Variants in ABCA13 observed in about 807,000 individuals in gnomAD.
ABCA13 encodes ATP-binding cassette sub-family A member 13.
In ABCA13, 476 loss-of-function variants were observed where a neutral mutation model predicts 478.7. That is an observed-to-expected ratio of 0.99 (90% CI 0.92 to 1.07). The LOEUF is 1.07. Among genes scored for constraint, ABCA13 ranks in the 50% least tolerant of loss-of-function variants. ABCA13 has a pLI of 0.00. For missense variants in ABCA13, 6,060 were observed against 5,910.6 expected (o/e 1.03, Z -0.83); for synonymous variants, 2,252 against 2,158.9 (o/e 1.04, Z -1.20).
chr7:48,276,289 T>C lies in ABCA13; in HGVS notation c.6623T>C (p.Ile2208Thr). The change falls in exon 17 of 62, where the codon ATC becomes ACC. Residue 2208 changes from isoleucine to threonine, a missense_variant. Transcript: ENST00000435803. The stretch of plus-strand genomic sequence containing the variant: ...GTTGTTCAGCTGCTTTTTGAAAACA[T>C]CCTAATTAATTTGATCAATAACTTA... ...FSVVQLLFEN[I>T]LINLINNLAG... 2 of 1,561,514 alleles carry C rather than the reference T, an allele frequency of 1.3e-6. No individual in the cohort carries two copies. The highest frequency in any genetic ancestry group is 1.7e-6 in the Non-Finnish European group (2 of 1,152,164).
In ABCA13 at chr7:48,391,999, G is replaced by A. The variant is rs780515688; in HGVS notation, c.11733G>A (p.Ser3911=). ...GCAAGAACCTACAGACAGACCTGTC[G>A]AGGGTCAGAATGGAGCTTGGTGTGT... ...INGKNLQTDL[S]RVRMELGVCP... The change falls in exon 38 of 62, where the codon TCG becomes TCA. Residue 3911 remains serine, a synonymous_variant. Coordinates refer to ENST00000435803, the MANE Select transcript of ABCA13 (RefSeq NM_152701.5). 1.5e-5 allele frequency: 24 copies of A among 1,613,872 alleles called. No individual in the cohort carries two copies. Among genetic ancestry groups the A allele is most frequent in the East Asian group, 6.7e-5 (3 of 44,878 alleles).
chr7:48,460,656 CACA>C (rs1197841949), intron 43 of ABCA13, among the ~76,000 whole-genome samples: 3 of 152,206 alleles, frequency 2.0e-5, no homozygotes, highest in African/African-American at 4.8e-5. Context: ...TCATTCAACC[CACA>C]ACATTTCCTA....
chr7:48,563,308 TG>T (rs1192207820), intron 55 of ABCA13, among the ~76,000 whole-genome samples: 1 of 152,212 alleles, frequency 6.6e-6, no homozygotes, highest in African/African-American at 2.4e-5. Context: ...GGTCATTGTT[TG>T]CTCATCTGTG....
intron 15 of ABCA13, among the ~76,000 whole-genome samples, chr7:48,257,015 A>T (rs1209433051): frequency 6.6e-6 from 1 of 151,928 alleles, no homozygotes; most frequent in Non-Finnish European, 1.5e-5. Flanking sequence ...CATTGAGGAG[A>T]TCTTTCGCCT....
chr7:48,442,914 A>C (rs1823821520), intron 42 of ABCA13, among the ~76,000 whole-genome samples: 1 of 152,190 alleles, frequency 6.6e-6, no homozygotes, highest in Non-Finnish European at 1.5e-5. Flanking sequence ...TACGGACTGA[A>C]CTGTGTTCCC....
intron 44 of ABCA13, among the ~76,000 whole-genome samples, chr7:48,468,083 G>A (rs113035310): frequency 6.6e-6 from 1 of 152,074 alleles, no homozygotes; most frequent in Non-Finnish European, 1.5e-5. Flanking sequence ...ATGGGGTCCA[G>A]CCCTGGTCCA....
At chr7:48,473,197 G>A (rs1827703564) in intron 45 of ABCA13, among the ~76,000 whole-genome samples, 2 of 152,216 alleles carry the variant, frequency 1.3e-5, no homozygotes, top group South Asian at 4.1e-4. Context: ...AAATCAAGAT[G>A]AGATTTGGGT....
intron 29 of ABCA13, among the ~76,000 whole-genome samples, chr7:48,346,905 C>T (rs768676063): frequency 1.2e-4 from 18 of 152,200 alleles, no homozygotes; most frequent in Non-Finnish European, 1.9e-4. Flanking sequence ...GGGTCAATGC[C>T]ACTTCTATGT....
intron 16 of ABCA13, among the ~76,000 whole-genome samples, chr7:48,271,576 G>A (rs1009050288): frequency 1.8e-4 from 27 of 152,038 alleles, no homozygotes; most frequent in African/African-American, 6.3e-4. Flanking sequence ...TTGGTGGTAG[G>A]AAACATTTTA....
intron 35 of ABCA13, among the ~76,000 whole-genome samples, chr7:48,377,691 G>T (rs1430080970): frequency 6.6e-6 from 1 of 152,120 alleles, no homozygotes; most frequent in Non-Finnish European, 1.5e-5. Flanking sequence ...AACTTAGACT[G>T]CATTGTCTTG....
intron 20 of ABCA13, among the ~76,000 whole-genome samples, chr7:48,290,812 G>T (rs995587008): frequency 1.3e-5 from 2 of 151,948 alleles, no homozygotes; most frequent in Non-Finnish European, 2.9e-5. Flanking sequence ...TGTATCTATT[G>T]TTCTGACCTA....
intron 18 of ABCA13, among the ~76,000 whole-genome samples, chr7:48,280,214 G>A (rs1026144984): frequency 6.6e-6 from 1 of 152,142 alleles, no homozygotes; most frequent in African/African-American, 2.4e-5. Context: ...CCCAAGACTA[G>A]TTGCATAAAC....
intron 8 of ABCA13, among the ~76,000 whole-genome samples, chr7:48,237,012 G>GTTT (rs35078208): frequency 2.1e-4 from 27 of 130,916 alleles, no homozygotes; most frequent in East Asian, 7.3e-4. Context: ...AGAGGGTAGG[G>GTTT]TTTTTTTTTT....
At chr7:48,538,682 A>G (rs1442973708) in intron 55 of ABCA13, among the ~76,000 whole-genome samples, 1 of 152,188 alleles carries the variant, frequency 6.6e-6, no homozygotes, top group African/African-American at 2.4e-5. Context: ...AAGAAGTAGA[A>G]CTTTGGTAGC....
chr7:48,387,801 T>A, intron 35 of ABCA13, 21 bp from the exon 36 acceptor site: 2 of 1,516,668 alleles, frequency 1.3e-6, no homozygotes, highest in Non-Finnish European at 1.8e-6. Context: ...TTAAACTAAT[T>A]TTAATTGTTT....
At chr7:48,432,785 T>C (rs1822317537) in intron 42 of ABCA13, among the ~76,000 whole-genome samples, 1 of 151,884 alleles carries the variant, frequency 6.6e-6, no homozygotes, top group Non-Finnish European at 1.5e-5. Flanking sequence ...ATCATAGAAA[T>C]GGAGAGTAGA....
intron 48 of ABCA13, among the ~76,000 whole-genome samples, chr7:48,490,410 C>T (rs1456683715): frequency 1.3e-5 from 2 of 152,146 alleles, no homozygotes; most frequent in East Asian, 3.8e-4. Context: ...CAGAAAACAT[C>T]GCCTATCAGC....
chr7:48,248,739 A>T (rs1232391892), intron 14 of ABCA13, among the ~76,000 whole-genome samples: 2 of 152,174 alleles, frequency 1.3e-5, no homozygotes, highest in African/African-American at 4.8e-5. Flanking sequence ...TTACTCAGAA[A>T]TTGTGCACTA....
Position 48,489,229 on chromosome 7 carries a change from T to G in ABCA13, c.13183-7T>G. ...TGAGAGCCATTAAATTATCTTTCTT[T>G]TTTTAGGTGTGGTATAATCAGAAGG... On this transcript the variant is annotated splice_polypyrimidine_tract_variant and splice_region_variant and intron_variant, in intron 47 of 61. Transcript: ENST00000435803. 1 of 1,596,782 alleles carries G rather than the reference T, an allele frequency of 6.3e-7. No individual in the cohort carries two copies. The highest frequency in any genetic ancestry group is 8.6e-7 in the Non-Finnish European group (1 of 1,167,560).
Sources: gnomAD v4.1 joint callset for allele counts (sites outside exome capture counted in the v4.1 genomes callset) on GRCh38, gnomAD v4.1.1 for gene constraint, MANE v1.5 for transcripts, NCBI Gene and HGNC (gene_info 2026-07-23, HGNC 2026-07-21) for gene names.